FMO2: variants seen among roughly 807,000 people sequenced by gnomAD.
The protein encoded by FMO2 is flavin-containing monooxygenase 2.
A neutral mutation model predicts 41.6 loss-of-function variants in FMO2; 33 were observed. That is an observed-to-expected ratio of 0.79 (90% confidence interval 0.60 to 1.06). FMO2 has a LOEUF of 1.06. FMO2 is among the 50% of genes least tolerant of loss of function. The pLI is 0.00. For synonymous variants in FMO2, 214 were observed against 219.6 expected, an observed-to-expected ratio of 0.97 and a Z score of 0.23; for missense variants, 619 against 632.9, an observed-to-expected ratio of 0.98 and a Z score of 0.23.
chr1:171,194,510 C>A (rs1044490842), intron 3 of FMO2, among the ~76,000 whole-genome samples: 31 of 152,320 alleles, frequency 2.0e-4, no homozygotes, highest in African/African-American at 7.0e-4. Context: ...GTAATCCCAG[C>A]ACTTTGGGAG....
chr1:171,204,571 A>G (rs578261268), intron 6 of FMO2, among the ~76,000 whole-genome samples: 1 of 152,320 alleles, frequency 6.6e-6, no homozygotes, highest in East Asian at 1.9e-4. Context: ...CTTTTGCTTT[A>G]GTTGTTACAG....
In FMO2 at chr1:171,212,011, G is replaced by A. The variant is rs113252377; in HGVS notation, c.*2866G>A. ...CCCATGAAATTTCCCATTCTTCAAG[G>A]ACAAATTCCTTCTGTTCAGCCTTGG... On this transcript the variant is annotated 3_prime_UTR_variant, in exon 9 of 9. Transcript: ENST00000209929. 1.4e-4 allele frequency among the ~76,000 whole-genome samples: 22 copies of A among 152,170 alleles called. 1 individual carries two copies. Among genetic ancestry groups the A allele is most frequent in the African/African-American group, 5.3e-4 (22 of 41,524 alleles).
chr1:171,207,532 C>A, intron 7 of FMO2, 186 bp from the exon 8 acceptor site: 1 of 538,800 alleles, frequency 1.9e-6, no homozygotes, highest in South Asian at 2.7e-5. Context: ...ATGCCGTAGA[C>A]TGTGCACCCT....
At chr1:171,208,634 G>A (rs12142993) in intron 8 of FMO2, among the ~76,000 whole-genome samples, 160 bp from the exon 9 acceptor site, 3,550 of 152,250 alleles carry the variant, frequency 0.023, 61 homozygotes, top group Non-Finnish European at 0.03. Flanking sequence ...TGAGATATGA[G>A]CCTCCTGGTA....
chr1:171,188,891 TA>T (rs879509651), intron 2 of FMO2: 2 of 152,228 alleles, frequency 1.3e-5, no homozygotes, highest in Non-Finnish European at 2.9e-5. Context: ...GTAATTAGCA[TA>T]TATTTTTCGT....
intron 6 of FMO2, among the ~76,000 whole-genome samples, 196 bp from the exon 7 acceptor site, chr1:171,205,082 AT>A (rs1335422070): frequency 2.0e-5 from 3 of 152,150 alleles, no homozygotes; most frequent in African/African-American, 7.2e-5. Flanking sequence ...GTTTTCCCTT[AT>A]TTATTGACAA....
intron 8 of FMO2, 60 bp from the exon 9 acceptor site, chr1:171,208,734 T>C: frequency 1.3e-6 from 2 of 1,511,666 alleles, no homozygotes; most frequent in Non-Finnish European, 1.8e-6. Flanking sequence ...TTTGAATGCC[T>C]AATATTCTAG....
In FMO2 at chr1:171,211,544, A is replaced by AT. The variant is rs201568115; in HGVS notation, c.*2399_*2400insT. 0.014 allele frequency among the ~76,000 whole-genome samples: 2,106 copies of AT among 152,292 alleles called. 44 individuals carry two copies. Among genetic ancestry groups the AT allele is most frequent in the African/African-American group, 0.049 (2,025 of 41,550 alleles). Reference sequence around the variant, plus strand: ...TGCGGAAATATAGCTCCACTAGGAAAATATTATTAAATTTATATCCCTAAA... The same window carrying AT: ...TGCGGAAATATAGCTCCACTAGGAAATATATTATTAAATTTATATCCCTAAA... On this transcript the variant is annotated 3_prime_UTR_variant, in exon 9 of 9. Coordinates refer to ENST00000209929, the MANE Select transcript of FMO2 (RefSeq NM_001460.5).
rs1399083272 is a variant in FMO2 at position 171,211,529 on chromosome 1, T to C, written c.*2384T>C. ...TTAATGCTAAATCAGTGCGGAAATA[T>C]AGCTCCACTAGGAAAATATTATTAA... On this transcript the variant is annotated 3_prime_UTR_variant, in exon 9 of 9. Coordinates refer to ENST00000209929, the MANE Select transcript of FMO2 (RefSeq NM_001460.5). Among the ~76,000 whole-genome samples, 2 of 152,236 alleles carry C rather than the reference T, an allele frequency of 1.3e-5. No individual in the cohort carries two copies. Among genetic ancestry groups the C allele is most frequent in the African/African-American group, 4.8e-5 (2 of 41,474 alleles).
chr1:171,193,034 TAG>T (rs1472608597), intron 2 of FMO2, among the ~76,000 whole-genome samples: 1 of 152,142 alleles, frequency 6.6e-6, no homozygotes, highest in Non-Finnish European at 1.5e-5. Context: ...TGGCATTAAA[TAG>T]GTAGAGACCT....
chr1:171,203,484 T>C (rs1466101552), intron 5 of FMO2, among the ~76,000 whole-genome samples: 1 of 152,150 alleles, frequency 6.6e-6, no homozygotes, highest in Non-Finnish European at 1.5e-5. Context: ...TTTCCAAGGA[T>C]TATAATCATT....
At chr1:171,203,398 CCT>C (rs1658619339) in intron 5 of FMO2, among the ~76,000 whole-genome samples, 1 of 151,894 alleles carries the variant, frequency 6.6e-6, no homozygotes, top group African/African-American at 2.4e-5. Flanking sequence ...GATTATTTCC[CCT>C]GTTATTCTCC....
rs1186191562 is a variant in FMO2, at chr1:171,208,797, T to A, written c.1260T>A (p.Phe420Leu). ...IKRNEKRIDLFGESQSQTLQT... is the reference protein window; with the variant it reads ...IKRNEKRIDLLGESQSQTLQT... ...CCTTTTTACTTTCTTCACTAAGGTT[T>A]GGAGAAAGCCAGAGCCAGACGTTGC... The change falls in exon 9 of 9, where the codon TTT (phenylalanine) becomes TTA (leucine). Residue 420 changes from phenylalanine (F) to leucine (L), a missense_variant. Transcript: ENST00000209929. 5.6e-6 allele frequency: 9 copies of A among 1,613,640 alleles called. No homozygotes were observed. The highest frequency in any genetic ancestry group is 1.3e-5 in the African/African-American group (1 of 74,912).
In FMO2 at chr1:171,212,515, C is replaced by A. The variant is rs562098043; in HGVS notation, c.*3370C>A. On this transcript the variant is annotated 3_prime_UTR_variant, in exon 9 of 9. Transcript: ENST00000209929. ...CTCCCTTTACTAACCTTTCTTTTAG[C>A]TATTCCCTTTATGATAGTTTCTTAA... Among the ~76,000 whole-genome samples, 89 of 152,324 alleles carry A rather than the reference C, an allele frequency of 5.8e-4. 3 individuals carry two copies. In the South Asian group the frequency reaches 0.011, roughly 19 times the overall value.
At chr1:171,186,081 A>G (rs1657836261) in intron 2 of FMO2, 2 of 363,424 alleles carry the variant, frequency 5.5e-6, no homozygotes, top group Admixed American at 8.1e-5. Context: ...TTTTGGATTC[A>G]GCAATTGTCT....
chr1:171,185,507 T>G, intron 1 of FMO2, 148 bp downstream of exon 1: 1 of 490,994 alleles, frequency 2.0e-6, no homozygotes, highest in East Asian at 3.2e-5. Flanking sequence ...GTAAGCAAGG[T>G]TTGCAACAAA....
At chr1:171,191,451 C>T (rs980521647) in intron 2 of FMO2, among the ~76,000 whole-genome samples, 5 of 152,218 alleles carry the variant, frequency 3.3e-5, no homozygotes, top group East Asian at 1.9e-4. Context: ...GTAAATTTAA[C>T]GCTAGTGGCC....
intron 4 of FMO2, among the ~76,000 whole-genome samples, chr1:171,199,077 A>AT (rs1333040229): frequency 1.3e-5 from 2 of 151,624 alleles, no homozygotes; most frequent in Admixed American, 1.3e-4. Context: ...TAATTTTTGT[A>AT]TTTTTTGTAG....
chr1:171,193,387 C>T lies in FMO2; in HGVS notation c.185C>T (p.Thr62Ile). ...ASIYQSVVTN[T>I]SKEMSCFSDF... ...ATCTATCAATCTGTCGTTACCAACA[C>T]CAGCAAAGAAATGTCCTGTTTCAGT... is the stretch of plus-strand genomic sequence containing the variant. The change falls in exon 3 of 9, where the codon ACC becomes ATC. Residue 62 changes from threonine to isoleucine, a missense_variant. By Grantham distance (89) the Thr-to-Ile change is moderately conservative. Coordinates refer to ENST00000209929, the MANE Select transcript of FMO2 (RefSeq NM_001460.5). 1 of 1,612,188 alleles carries T rather than the reference C, an allele frequency of 6.2e-7. No individual in the cohort carries two copies. Among genetic ancestry groups the T allele is most frequent in the Non-Finnish European group, 8.5e-7 (1 of 1,179,052 alleles).
Sources: gnomAD v4.1 joint callset for allele counts (sites outside exome capture counted in the v4.1 genomes callset) on GRCh38, gnomAD v4.1.1 for gene constraint, MANE v1.5 for transcripts, NCBI Gene and HGNC (gene_info 2026-07-23, HGNC 2026-07-21) for gene names.